SCMH1: variants seen among roughly 807,000 people sequenced by gnomAD.
The protein encoded by SCMH1 is polycomb protein SCMH1.
In SCMH1, 37 loss-of-function variants were observed where a neutral mutation model predicts 70.8. The ratio of observed to expected loss-of-function variants is 0.52; its 90% CI spans 0.40 to 0.69. SCMH1 has a LOEUF of 0.69. Ranked by LOEUF, SCMH1 falls within the 30% of genes least tolerant of loss-of-function variation. The probability of loss-of-function intolerance (pLI) is 0.00; values close to 1 mark genes in which losing one functional copy is unlikely to be tolerated. For synonymous variants in SCMH1, 292 were observed against 307.4 expected, an observed-to-expected ratio of 0.95 and a Z score of 0.52; for missense variants, 607 against 827.3, an observed-to-expected ratio of 0.73 and a Z score of 3.27.
rs569720019 is a variant in SCMH1, at chr1:41,107,708, C to T, written c.745+5575G>A. Among the ~76,000 whole-genome samples, 545 of 152,138 alleles carry T rather than the reference C, an allele frequency of 3.6e-3. 2 individuals carry two copies. The highest frequency in any genetic ancestry group is 6.5e-3 in the African/African-American group (269 of 41,518). ...CTAATTTTTGTATTTTCAGTAGAGA[C>T]GGGGTTTCACCATGTTGGCCAGGAT... is the stretch of plus-strand genomic sequence containing the variant. On this transcript the variant is annotated intron_variant, in intron 8 of 14. Transcript: ENST00000337495.
At chr1:41,238,568 C>G (rs915320187) in intron 1 of SCMH1, among the ~76,000 whole-genome samples, 1 of 152,142 alleles carries the variant, frequency 6.6e-6, no homozygotes, top group Non-Finnish European at 1.5e-5. Context: ...CTTTACTGCA[C>G]CTGGGTCACA....
chr1:41,049,059 G>T (rs1647170850), intron 10 of SCMH1, among the ~76,000 whole-genome samples, 169 bp from the exon 11 acceptor site: 1 of 152,212 alleles, frequency 6.6e-6, no homozygotes, highest in Non-Finnish European at 1.5e-5. Context: ...GTCAAGAAAA[G>T]GCTGTGCCCA....
chr1:41,046,521 T>C (rs1450377429), exon 12 of SCMH1: 1 of 1,614,202 alleles, frequency 6.2e-7, no homozygotes, highest in South Asian at 1.1e-5. Flanking sequence ...TGGCAGAGTT[T>C]CTCCAGGAAG....
intron 8 of SCMH1, among the ~76,000 whole-genome samples, chr1:41,094,993 A>G (rs1664694743): frequency 6.6e-6 from 1 of 151,808 alleles, no homozygotes; most frequent in Admixed American, 6.6e-5. Context: ...AATACCTCCA[A>G]CCCATCACCC....
At chr1:41,177,522 A>G (rs1647305030) in intron 2 of SCMH1, among the ~76,000 whole-genome samples, 1 of 152,210 alleles carries the variant, frequency 6.6e-6, no homozygotes, top group Non-Finnish European at 1.5e-5. Flanking sequence ...AACTAGAATT[A>G]CCAATGCAGA....
chr1:41,166,156 C>T (rs1160735893), intron 2 of SCMH1, among the ~76,000 whole-genome samples: 1 of 152,058 alleles, frequency 6.6e-6, no homozygotes, highest in Non-Finnish European at 1.5e-5. Context: ...ACTGTAGATG[C>T]ATGGGTTTAT....
At chr1:41,203,931 T>G (rs537399662) in intron 1 of SCMH1, among the ~76,000 whole-genome samples, 7 of 152,196 alleles carry the variant, frequency 4.6e-5, no homozygotes, top group African/African-American at 1.7e-4. Context: ...GACCCCTGAT[T>G]TCCCACTTCA....
At chr1:41,071,154 T>C (rs1656348017) in intron 9 of SCMH1, among the ~76,000 whole-genome samples, 1 of 152,168 alleles carries the variant, frequency 6.6e-6, no homozygotes, top group African/African-American at 2.4e-5. Flanking sequence ...CTTTACTCTG[T>C]CTGCCTCTCT....
intron 1 of SCMH1, among the ~76,000 whole-genome samples, chr1:41,190,321 T>C (rs1365375681): frequency 6.6e-6 from 1 of 152,234 alleles, no homozygotes; most frequent in African/African-American, 2.4e-5. Context: ...AGATGAGATT[T>C]GCTCTACTTC....
intron 6 of SCMH1, among the ~76,000 whole-genome samples, chr1:41,124,520 G>A (rs201587868): frequency 1.4e-5 from 2 of 140,388 alleles, no homozygotes; most frequent in Admixed American, 1.4e-4. Context: ...AGTCTGGATT[G>A]TTTTACAGAA....
intron 4 of SCMH1, among the ~76,000 whole-genome samples, chr1:41,156,803 T>C (rs1645589692): frequency 6.6e-6 from 1 of 152,036 alleles, no homozygotes; most frequent in Non-Finnish European, 1.5e-5. Context: ...ACAACATATA[T>C]ATTGCTGAAA....
At chr1:41,123,309 A>G (rs1295348529) in intron 6 of SCMH1, among the ~76,000 whole-genome samples, 1 of 152,212 alleles carries the variant, frequency 6.6e-6, no homozygotes, top group East Asian at 1.9e-4. Context: ...AAGAGCATTC[A>G]CACCAGGAAT....
intron 6 of SCMH1, among the ~76,000 whole-genome samples, chr1:41,141,451 A>G (rs1302152336): frequency 6.6e-6 from 1 of 152,232 alleles, no homozygotes; most frequent in Non-Finnish European, 1.5e-5. Flanking sequence ...TGGCTGCTAC[A>G]TTATATTACA....
chr1:41,240,627 A>C (rs1387198618), intron 1 of SCMH1, among the ~76,000 whole-genome samples: 1 of 152,008 alleles, frequency 6.6e-6, no homozygotes, highest in African/African-American at 2.4e-5. Flanking sequence ...TTTGATGTAC[A>C]TTAGTTAGCA....
intron 6 of SCMH1, among the ~76,000 whole-genome samples, chr1:41,117,956 G>A (rs1401758152): frequency 6.6e-6 from 1 of 151,992 alleles, no homozygotes; most frequent in Non-Finnish European, 1.5e-5. Flanking sequence ...GGTGGCAGTG[G>A]TCCCCCTGGG....
At chr1:41,103,428 C>T (rs1391370674) in intron 8 of SCMH1, among the ~76,000 whole-genome samples, 1 of 152,104 alleles carries the variant, frequency 6.6e-6, no homozygotes, top group Non-Finnish European at 1.5e-5. Context: ...AGGCATGAGC[C>T]ACTGCGCCCG....
At chr1:41,183,768 A>G (rs185126197) in intron 2 of SCMH1, among the ~76,000 whole-genome samples, 18 of 152,354 alleles carry the variant, frequency 1.2e-4, no homozygotes, top group Admixed American at 1.1e-3. Context: ...TGTGACATAG[A>G]GAATGATACC....
At chr1:41,159,643 A>G in intron 4 of SCMH1, 1 of 1,440,486 alleles carries the variant, frequency 6.9e-7, no homozygotes, top group East Asian at 2.6e-5. Context: ...TCTACCACAC[A>G]TCAGTACCTT....
At chr1:41,209,271 G>C (rs1027495069) in intron 1 of SCMH1, among the ~76,000 whole-genome samples, 2 of 152,146 alleles carry the variant, frequency 1.3e-5, no homozygotes, top group African/African-American at 4.8e-5. Flanking sequence ...ATTCACAGTT[G>C]AACTCTACCA....
Sources: gnomAD v4.1 joint callset for allele counts (sites outside exome capture counted in the v4.1 genomes callset) on GRCh38, gnomAD v4.1.1 for gene constraint, MANE v1.5 for transcripts, NCBI Gene and HGNC (gene_info 2026-07-23, HGNC 2026-07-21) for gene names.